The following KLHL1 variants were observed in gnomAD, a reference collection of about 807,000 sequenced individuals.
KLHL1 encodes the protein kelch like family member 1.
Under a neutral mutation model 77.7 loss-of-function variants are expected in KLHL1, and 47 were observed. That is an observed-to-expected ratio of 0.60 (90% CI 0.48 to 0.77). The LOEUF is 0.77. Among genes scored for constraint, KLHL1 ranks in the 30% least tolerant of loss-of-function variants. The probability of loss-of-function intolerance (pLI) is 0.00; values close to 1 mark genes in which losing one functional copy is unlikely to be tolerated. For missense variants in KLHL1, 925 were observed against 910.8 expected (o/e 1.02, Z -0.20); for synonymous variants, 360 against 325.2 (o/e 1.11, Z -1.15).
intron 1 of KLHL1, among the ~76,000 whole-genome samples, chr13:70,096,787 G>A (rs1207907407): frequency 2.6e-5 from 4 of 151,788 alleles, no homozygotes; most frequent in Non-Finnish European, 5.9e-5. Flanking sequence ...TAGTCTTAAA[G>A]GAGAGAAATC....
chr13:69,854,894 C>T (rs544889141), intron 5 of KLHL1, among the ~76,000 whole-genome samples: 1 of 152,012 alleles, frequency 6.6e-6, no homozygotes, highest in East Asian at 1.9e-4. Context: ...TTTTTCATCT[C>T]TCAAGTACCT....
At chr13:69,867,818 C>T (rs1254880397) in intron 5 of KLHL1, among the ~76,000 whole-genome samples, 1 of 124,358 alleles carries the variant, frequency 8.0e-6, no homozygotes, top group Non-Finnish European at 1.6e-5. Context: ...CACGTGGACA[C>T]AGGAAGGGGA....
At chr13:69,801,176 G>A (rs1375920226) in intron 6 of KLHL1, among the ~76,000 whole-genome samples, 1 of 152,090 alleles carries the variant, frequency 6.6e-6, no homozygotes, top group African/African-American at 2.4e-5. Flanking sequence ...GCATGACAGA[G>A]TCCTGACCAC....
intron 5 of KLHL1, among the ~76,000 whole-genome samples, chr13:69,857,562 C>T (rs1233398698): frequency 6.6e-6 from 1 of 151,944 alleles, no homozygotes; most frequent in African/African-American, 2.4e-5. Flanking sequence ...ATGTATTTCC[C>T]TAGAATGTAT....
chr13:69,717,600 C>T (rs891712965), intron 9 of KLHL1, among the ~76,000 whole-genome samples: 1 of 151,958 alleles, frequency 6.6e-6, no homozygotes, highest in South Asian at 2.1e-4. Context: ...ATTATAAAGT[C>T]GAGTTGGATG....
chr13:69,869,487 T>C (rs1880498091), intron 5 of KLHL1, among the ~76,000 whole-genome samples: 1 of 152,150 alleles, frequency 6.6e-6, no homozygotes, highest in East Asian at 1.9e-4. Context: ...AACAAATATT[T>C]ATCACTTTTA....
At chr13:69,769,490 A>C (rs1875461225) in intron 7 of KLHL1, among the ~76,000 whole-genome samples, 1 of 152,232 alleles carries the variant, frequency 6.6e-6, no homozygotes, top group Admixed American at 6.5e-5. Flanking sequence ...AGTGACAGCC[A>C]GAAGCCTGAA....
At chr13:69,822,361 A>G (rs1878374125) in intron 6 of KLHL1, among the ~76,000 whole-genome samples, 1 of 152,338 alleles carries the variant, frequency 6.6e-6, no homozygotes, top group African/African-American at 2.4e-5. Flanking sequence ...TTATATTTCA[A>G]AATTAATAAT....
At chr13:69,843,811 CT>C (rs112132375) in intron 5 of KLHL1, among the ~76,000 whole-genome samples, 9 of 150,384 alleles carry the variant, frequency 6.0e-5, no homozygotes, top group South Asian at 2.1e-4. Flanking sequence ...TTAGCTTAGA[CT>C]TTTTTTTTAT....
intron 1 of KLHL1, among the ~76,000 whole-genome samples, chr13:70,085,792 A>T (rs1887521457): frequency 6.6e-6 from 1 of 152,102 alleles, no homozygotes; most frequent in South Asian, 2.1e-4. Flanking sequence ...TGAACCTGGG[A>T]GGCAGAGGTT....
At chr13:69,899,875 C>T (rs1210233822) in intron 4 of KLHL1, among the ~76,000 whole-genome samples, 1 of 151,992 alleles carries the variant, frequency 6.6e-6, no homozygotes, top group East Asian at 1.9e-4. Context: ...GTACTATGAA[C>T]AATAGCTATT....
At position 70,107,760 on chromosome 13, in the gene KLHL1, G is replaced by C; in HGVS notation, c.-61C>G. On this transcript the variant is annotated 5_prime_UTR_variant, in exon 1 of 11. Coordinates refer to ENST00000377844, the MANE Select transcript of KLHL1 (RefSeq NM_020866.3). ...CGCAGGAGTAGGCTGGTCAGCAGGT[G>C]GGGGAGGACAGCGGGGCCCGGGGGC... The C allele has an allele frequency of 3.0e-6, 4 of 1,325,756 alleles. No homozygotes were observed. Among genetic ancestry groups the C allele is most frequent in the Non-Finnish European group, 4.0e-6 (4 of 990,684 alleles). 82.1% of individuals were successfully genotyped at this position (1,325,756 alleles called of 1,614,324 possible).
intron 4 of KLHL1, among the ~76,000 whole-genome samples, chr13:69,934,962 GTATATATATATATA>G (rs67195697): frequency 5.4e-5 from 7 of 129,800 alleles, no homozygotes; most frequent in South Asian, 2.5e-4. Context: ...GTGTGCATGT[GTATATATATATATA>G]TATATATATA....
chr13:69,760,202 T>C lies in KLHL1; in HGVS notation c.1640-19646A>G, dbSNP rs373520404. On this transcript the variant is annotated intron_variant, in intron 7 of 10. Coordinates refer to ENST00000377844, the MANE Select transcript of KLHL1 (RefSeq NM_020866.3). ...AAGGAGTAAGACAAAGAAAGCATAC[T>C]CTCTGCCTAGACTCAGTATGGATAA... 1.9e-3 allele frequency among the ~76,000 whole-genome samples: 288 copies of C among 152,184 alleles called. 2 individuals are homozygous for C. The highest frequency in any genetic ancestry group is 6.8e-3 in the African/African-American group (283 of 41,510).
intron 3 of KLHL1, among the ~76,000 whole-genome samples, chr13:69,940,896 T>C (rs1883346319): frequency 6.6e-6 from 1 of 151,866 alleles, no homozygotes; most frequent in Non-Finnish European, 1.5e-5. Flanking sequence ...GTCAAATGTT[T>C]ATAGAACTTA....
intron 4 of KLHL1, among the ~76,000 whole-genome samples, chr13:69,931,930 G>A (rs921067209): frequency 6.6e-6 from 1 of 151,664 alleles, no homozygotes; most frequent in Non-Finnish European, 1.5e-5. Context: ...TTCTAATGAG[G>A]AGGTACAATA....
chr13:69,744,056 AG>A (rs1437690551), intron 7 of KLHL1, among the ~76,000 whole-genome samples: 1 of 152,118 alleles, frequency 6.6e-6, no homozygotes, highest in East Asian at 1.9e-4. Context: ...TATATGTAAA[AG>A]TGTTGGAGTT....
chr13:69,709,529 C>G (rs898558832), intron 9 of KLHL1, among the ~76,000 whole-genome samples: 32 of 151,974 alleles, frequency 2.1e-4, no homozygotes, highest in Non-Finnish European at 4.1e-4. Context: ...CTAATTCAAA[C>G]AGACCAACTG....
chr13:69,841,773 G>T (rs1228789449), intron 5 of KLHL1, among the ~76,000 whole-genome samples: 2 of 151,520 alleles, frequency 1.3e-5, no homozygotes, highest in African/African-American at 4.8e-5. Flanking sequence ...TGATCAAAAA[G>T]AACAAAACTG....
Sources: gnomAD v4.1 joint callset for allele counts (sites outside exome capture counted in the v4.1 genomes callset) on GRCh38, gnomAD v4.1.1 for gene constraint, MANE v1.5 for transcripts, NCBI Gene and HGNC (gene_info 2026-07-23, HGNC 2026-07-21) for gene names.